The following RSF1 variants were observed in gnomAD, a reference collection of about 807,000 sequenced individuals.
RSF1 encodes the protein HBV pX-associated protein 8.
Under a neutral mutation model 145.2 loss-of-function variants are expected in RSF1, and 13 were observed. The ratio of observed to expected loss-of-function variants is 0.09; its 90% CI spans 0.06 to 0.14. RSF1 has a LOEUF of 0.14. RSF1 is among the 10% of genes least tolerant of loss of function. The probability of loss-of-function intolerance (pLI) is 1.00; values close to 1 mark genes in which losing one functional copy is unlikely to be tolerated. For missense variants in RSF1, 1,517 were observed against 1,718.2 expected, an observed-to-expected ratio of 0.88 and a Z score of 2.07; for synonymous variants, 577 against 592.6, an observed-to-expected ratio of 0.97 and a Z score of 0.38.
At chr11:77,781,912 CCTAT>C (rs888567883) in intron 1 of RSF1, among the ~76,000 whole-genome samples, 62 of 152,150 alleles carry the variant, frequency 4.1e-4, no homozygotes, top group African/African-American at 9.4e-4. Flanking sequence ...ATGAAACACT[CCTAT>C]CTATTTCTAA....
At chr11:77,715,428 A>C (rs1170630100) in intron 5 of RSF1, among the ~76,000 whole-genome samples, 3 of 152,186 alleles carry the variant, frequency 2.0e-5, no homozygotes, top group African/African-American at 7.2e-5. Context: ...TACTTGTTTA[A>C]AGTAAAACAA....
the RSF1 span, among the ~76,000 whole-genome samples, chr11:77,868,178 C>A: frequency 1.3e-5 from 2 of 151,290 alleles, no homozygotes; most frequent in African/African-American, 4.9e-5. Flanking sequence ...GCCTCAGCCT[C>A]CCGAGTAGCT....
chr11:77,860,301 C>T, the RSF1 span, among the ~76,000 whole-genome samples: 1 of 152,194 alleles, frequency 6.6e-6, no homozygotes, highest in Non-Finnish European at 1.5e-5. Flanking sequence ...GCTATTTCAC[C>T]ATACCTGGGA....
At chr11:77,869,830 A>G in the RSF1 span, 4 of 1,611,218 alleles carry the variant, frequency 2.5e-6, no homozygotes, top group Non-Finnish European at 3.4e-6. Flanking sequence ...AGGTGTTGGT[A>G]TGCACAGCAT....
intron 4 of RSF1, chr11:77,738,806 A>C (rs1388540662): frequency 6.6e-6 from 1 of 152,072 alleles, no homozygotes; most frequent in South Asian, 2.1e-4. Context: ...CAGCCTCCCG[A>C]GTAGCTGGGA....
chr11:77,763,170 C>T (rs1036913849), intron 2 of RSF1: 3 of 151,934 alleles, frequency 2.0e-5, no homozygotes, highest in African/African-American at 7.3e-5. Flanking sequence ...GAAACCCTGT[C>T]TCTACTAATA....
At chr11:77,773,583 A>G (rs1285888784) in intron 1 of RSF1, among the ~76,000 whole-genome samples, 1 of 152,202 alleles carries the variant, frequency 6.6e-6, no homozygotes, top group African/African-American at 2.4e-5. Context: ...GAGAAAAATT[A>G]ATTTAAAATT....
upstream of RSF1, among the ~76,000 whole-genome samples, chr11:77,824,604 A>G (rs1263589010): frequency 2.0e-5 from 3 of 152,224 alleles, no homozygotes; most frequent in Non-Finnish European, 4.4e-5. Flanking sequence ...CATGTTGAGT[A>G]AAAGAAGGCA....
rs180724820 is a variant in RSF1 at position 77,802,179 on chromosome 11, G to A, written c.187+18349C>T. On this transcript the variant is annotated intron_variant, in intron 1 of 15. Transcript: ENST00000308488. ...TAACCTCCATAATAAAGCTGAAACA[G>A]AAGTAAAGTGTTTCCCTGAGTTTTG... Among the ~76,000 whole-genome samples the A allele has an allele frequency of 2.7e-3, 407 of 152,232 alleles. 8 individuals are homozygous for A. The highest frequency in any genetic ancestry group is 0.023 in the Admixed American group (349 of 15,292).
At position 77,685,108 on chromosome 11, in the gene RSF1, T is replaced by C. The variant is rs770709298; in HGVS notation, c.2952A>G (p.Pro984=). 14 of 1,536,796 alleles carry C rather than the reference T, an allele frequency of 9.1e-6. No homozygotes were observed. The South Asian group carries it at 1.9e-4, about 20-fold the overall frequency. The stretch of plus-strand genomic sequence containing the variant: ...ACATTACAAATCAGAAACTTACTTG[T>C]GGAGGAATGATGTTTTCAATACTGA... ...VGISIENIIP[P]QEPDFSEDQE... Residue 984 remains proline, a synonymous_variant, in exon 10 of 16, where the codon CCA becomes CCG. Transcript: ENST00000308488.
chr11:77,842,818 CATT>C, the RSF1 span, among the ~76,000 whole-genome samples: 3 of 152,190 alleles, frequency 2.0e-5, no homozygotes, highest in Non-Finnish European at 4.4e-5. Context: ...CCTGTAGTGA[CATT>C]ATAGTGACTT....
At chr11:77,760,956 G>C (rs1425805348) in intron 2 of RSF1, among the ~76,000 whole-genome samples, 2 of 151,850 alleles carry the variant, frequency 1.3e-5, no homozygotes, top group Non-Finnish European at 1.5e-5. Context: ...TCTGTCACCA[G>C]GGTGGAGTGC....
At chr11:77,816,282 A>C (rs1045000455) in intron 1 of RSF1, among the ~76,000 whole-genome samples, 3 of 152,210 alleles carry the variant, frequency 2.0e-5, no homozygotes, top group African/African-American at 7.2e-5. Flanking sequence ...CTTTTGTTTA[A>C]ATCAACACAT....
At chr11:77,688,185 G>A (rs189169865) in intron 9 of RSF1, among the ~76,000 whole-genome samples, 194 of 152,174 alleles carry the variant, frequency 1.3e-3, no homozygotes, top group African/African-American at 4.3e-3. Context: ...CCAGCTACTC[G>A]AGAGGCTGAG....
At chr11:77,814,734 C>T (rs534934482) in intron 1 of RSF1, among the ~76,000 whole-genome samples, 7 of 152,240 alleles carry the variant, frequency 4.6e-5, no homozygotes, top group South Asian at 2.1e-4. Context: ...CATGAGCCAC[C>T]GTGCCCAGCC....
chr11:77,663,705 C>G lies in RSF1; in HGVS notation c.*3212G>C, dbSNP rs1959289404. The G allele has an allele frequency of 6.6e-6, 1 of 152,192 alleles. No homozygotes were observed. The highest frequency in any genetic ancestry group is 2.4e-5 in the African/African-American group (1 of 41,454). The allele number at this position is 152,192 out of a possible 1,614,324, so 9.4% of individuals were successfully genotyped here. ...GATGGAAAATGTTTTACACTAATTT[C>G]ATCAGCACTGATGTACAAAACCAAA... On this transcript the variant is annotated 3_prime_UTR_variant, in exon 16 of 16. Transcript: ENST00000308488.
chr11:77,799,412 GGATCGCT>G (rs1948605254), intron 1 of RSF1, among the ~76,000 whole-genome samples: 2 of 151,424 alleles, frequency 1.3e-5, no homozygotes, highest in Admixed American at 6.6e-5. Flanking sequence ...GGAAGTGAAA[GGATCGCT>G]TGAGATCAGG....
At chr11:77,811,056 CA>C (rs1948725971) in intron 1 of RSF1, among the ~76,000 whole-genome samples, 1 of 152,074 alleles carries the variant, frequency 6.6e-6, no homozygotes, top group Non-Finnish European at 1.5e-5. Flanking sequence ...ATACCCAGCC[CA>C]ATACTTTAGG....
the RSF1 span, among the ~76,000 whole-genome samples, chr11:77,858,302 CTTTTTTTTT>C: frequency 1.7e-3 from 120 of 69,364 alleles, 6 homozygotes; most frequent in South Asian, 0.065. Flanking sequence ...TTAAGCAATT[CTTTTTTTTT>C]TTTTTTTTTT....
Sources: allele counts gnomAD v4.1 joint callset (sites outside exome capture counted in the v4.1 genomes callset), GRCh38; gene constraint gnomAD v4.1.1; transcripts MANE v1.5; gene names NCBI Gene and HGNC (gene_info 2026-07-23, HGNC 2026-07-21).